GTF2E2: variants seen among roughly 807,000 people sequenced by gnomAD.
The protein encoded by GTF2E2 is general transcription factor IIE subunit 2, also known as transcription initiation factor IIE subunit beta.
GTF2E2 carries 21 observed loss-of-function variants against 40.5 expected under a neutral mutation model. The observed-to-expected ratio is 0.52, with a 90% confidence interval of 0.37 to 0.75. The LOEUF is 0.75. GTF2E2 is among the 30% of genes least tolerant of loss of function. The pLI, the probability that GTF2E2 is intolerant of heterozygous loss-of-function variation, is 0.00. For synonymous variants in GTF2E2, 117 were observed against 121.6 expected (o/e 0.96, Z 0.25); for missense variants, 298 against 338.4 (o/e 0.88, Z 0.94).
intron 3 of GTF2E2, among the ~76,000 whole-genome samples, chr8:30,622,416 G>A (rs1047599373): frequency 1.4e-5 from 2 of 145,110 alleles, no homozygotes; most frequent in Non-Finnish European, 3.1e-5. Flanking sequence ...GGGTCACAGA[G>A]ATCATGTGCT....
intron 6 of GTF2E2, among the ~76,000 whole-genome samples, chr8:30,591,912 T>C (rs1430007473): frequency 6.6e-6 from 1 of 152,080 alleles, no homozygotes; most frequent in Non-Finnish European, 1.5e-5. Flanking sequence ...TGTATGGCCA[T>C]ACAATAGAAT....
chr8:30,582,740 G>A (rs980020216), intron 6 of GTF2E2, among the ~76,000 whole-genome samples: 4 of 152,174 alleles, frequency 2.6e-5, no homozygotes, highest in African/African-American at 4.8e-5. Context: ...ACACAGTAAC[G>A]AGCTTGTGCC....
Position 30,587,470 on chromosome 8 carries a change from CAAA to C in GTF2E2, c.644-7077_644-7075del, listed in dbSNP as rs60625075. Among the ~76,000 whole-genome samples, 5 of 147,184 alleles carry C rather than the reference CAAA, an allele frequency of 3.4e-5. No homozygotes were observed. In the South Asian group the frequency reaches 6.4e-4, roughly 19 times the overall value. ...ATATATATGGAACTCAAAATAATAG[CAAA>C]AAAAAAAAAATAACCTGATTTAAAA... On this transcript the variant is annotated intron_variant, in intron 6 of 7. Coordinates refer to ENST00000355904, the MANE Select transcript of GTF2E2 (RefSeq NM_002095.6).
In GTF2E2 at chr8:30,626,158, C is replaced by G. The variant is rs112016031; in HGVS notation, c.258+8874G>C. Among the ~76,000 whole-genome samples the G allele has an allele frequency of 6.1e-3, 926 of 152,310 alleles. 8 individuals carry two copies. The highest frequency in any genetic ancestry group is 0.021 in the African/African-American group (869 of 41,560). ...CAAGAGTCAACTGCTTCTTACCACT[C>G]TGAAATGTTGCAAAACATGGATTAT... On this transcript the variant is annotated intron_variant, in intron 3 of 7. Coordinates refer to ENST00000355904, the MANE Select transcript of GTF2E2 (RefSeq NM_002095.6).
chr8:30,595,618 C>T (rs1362787841), intron 6 of GTF2E2, among the ~76,000 whole-genome samples: 2 of 152,042 alleles, frequency 1.3e-5, no homozygotes, highest in Admixed American at 6.6e-5. Context: ...CTGCTTGAGC[C>T]CAAGAGTTCA....
At chr8:30,654,455 T>C (rs1468802821) in intron 1 of GTF2E2, among the ~76,000 whole-genome samples, 2 of 152,068 alleles carry the variant, frequency 1.3e-5, no homozygotes, top group Non-Finnish European at 2.9e-5. Context: ...CAGGCTGGAG[T>C]ACAGTGGTGT....
intron 6 of GTF2E2, among the ~76,000 whole-genome samples, chr8:30,589,971 T>C (rs1828796329): frequency 6.6e-6 from 1 of 152,212 alleles, no homozygotes; most frequent in East Asian, 1.9e-4. Flanking sequence ...AGGTATAATT[T>C]ATGAAAATTA....
chr8:30,626,399 C>A (rs1222175557), intron 3 of GTF2E2, among the ~76,000 whole-genome samples: 1 of 152,118 alleles, frequency 6.6e-6, no homozygotes, highest in Admixed American at 6.5e-5. Flanking sequence ...GCAGGAGAAT[C>A]GCTTGAACCC....
At chr8:30,633,506 G>A (rs1801499304) in intron 3 of GTF2E2, among the ~76,000 whole-genome samples, 1 of 152,160 alleles carries the variant, frequency 6.6e-6, no homozygotes. Flanking sequence ...TTTGCTAACA[G>A]AGTGTAGTTA....
rs1489849157 is a variant in GTF2E2 at position 30,607,086 on chromosome 8, T to C, written c.614A>G (p.Asp205Gly). The C allele has an allele frequency of 6.8e-7, 1 of 1,475,166 alleles. No individual in the cohort carries two copies. Among genetic ancestry groups the C allele is most frequent in the Non-Finnish European group, 9.4e-7 (1 of 1,065,832 alleles). The allele number at this position is 1,475,166 out of a possible 1,614,324, so 91.4% of individuals were successfully genotyped here. ...ATCCACAGAAAACTGACAGCTCTTA[T>C]CATTGAAGAAAAGTATTTTCTTCTT... ...PDKKKILFFNDKSCQFSVDEE... is the reference protein window; with the variant it reads ...PDKKKILFFNGKSCQFSVDEE... Residue 205 changes from aspartate to glycine, a missense_variant, in exon 6 of 8, where the codon GAT (aspartate) becomes GGT (glycine). Physicochemically the swap from Asp to Gly is moderately conservative, Grantham distance 94. Coordinates refer to ENST00000355904, the MANE Select transcript of GTF2E2 (RefSeq NM_002095.6).
At chr8:30,648,183 T>TA (rs773633081) in intron 2 of GTF2E2, among the ~76,000 whole-genome samples, 48 of 152,228 alleles carry the variant, frequency 3.2e-4, no homozygotes, top group South Asian at 2.1e-3. Flanking sequence ...CAAGAGAGAA[T>TA]AAAGCATGTT....
intron 6 of GTF2E2, chr8:30,584,731 G>C (rs1484584880): frequency 6.6e-6 from 1 of 152,202 alleles, no homozygotes; most frequent in East Asian, 1.9e-4. Context: ...CATTTTGTCT[G>C]TGCTTAGCCC....
intron 6 of GTF2E2, among the ~76,000 whole-genome samples, chr8:30,600,183 G>A (rs527760937): frequency 7.2e-5 from 11 of 152,012 alleles, no homozygotes; most frequent in Non-Finnish European, 1.3e-4. Context: ...AAACCATAAC[G>A]TAACTGCAAA....
intron 3 of GTF2E2, among the ~76,000 whole-genome samples, chr8:30,619,542 C>T (rs1200675059): frequency 1.3e-5 from 2 of 151,110 alleles, no homozygotes; most frequent in South Asian, 2.1e-4. Context: ...GCGTGCACCA[C>T]AACACCTGGC....
intron 6 of GTF2E2, among the ~76,000 whole-genome samples, chr8:30,594,726 T>C (rs376928537): frequency 6.6e-6 from 1 of 151,774 alleles, no homozygotes; most frequent in East Asian, 2.0e-4. Flanking sequence ...GGCGTGGTGG[T>C]GTATGCCTGT....
intron 2 of GTF2E2, among the ~76,000 whole-genome samples, chr8:30,635,738 A>C (rs1403912287): frequency 6.6e-6 from 1 of 152,116 alleles, no homozygotes; most frequent in African/African-American, 2.4e-5. Context: ...CTCCATAATC[A>C]GAAGTACACT....
intron 2 of GTF2E2, among the ~76,000 whole-genome samples, chr8:30,639,111 TA>T (rs1563503654): frequency 2.0e-5 from 3 of 152,242 alleles, no homozygotes; most frequent in African/African-American, 7.2e-5. Flanking sequence ...AAGTTTGTTA[TA>T]TTTTTTAGAA....
At chr8:30,584,692 TTGC>T (rs1828621650) in intron 6 of GTF2E2, 1 of 152,178 alleles carries the variant, frequency 6.6e-6, no homozygotes, top group Non-Finnish European at 1.5e-5. Context: ...CAATGAGGCT[TTGC>T]TTAAAATTCC....
At chr8:30,602,417 A>C (rs113266361) in intron 6 of GTF2E2, among the ~76,000 whole-genome samples, 113 of 152,300 alleles carry the variant, frequency 7.4e-4, no homozygotes, top group African/African-American at 2.6e-3. Flanking sequence ...TTTTTAAGAA[A>C]GTATGTGTAT....
Sources: gnomAD v4.1 joint callset for allele counts (sites outside exome capture counted in the v4.1 genomes callset) on GRCh38, gnomAD v4.1.1 for gene constraint, MANE v1.5 for transcripts, NCBI Gene and HGNC (gene_info 2026-07-23, HGNC 2026-07-21) for gene names.